The following NSUN6 variants were observed in gnomAD, a reference collection of about 807,000 sequenced individuals.
The protein encoded by NSUN6 is tRNA (cytosine(72)-C(5))-methyltransferase NSUN6.
NSUN6 carries 64 observed loss-of-function variants against 58.0 expected under a neutral mutation model. The ratio of observed to expected loss-of-function variants is 1.10; its 90% CI spans 0.90 to 1.36. The LOEUF (loss-of-function observed/expected upper bound fraction) is 1.36, where lower values mean the gene tolerates loss of function less well. NSUN6 is among the 40% of genes most tolerant of loss of function. NSUN6 has a pLI of 0.00. For missense variants in NSUN6, 701 were observed against 550.1 expected (o/e 1.27, Z -2.74); for synonymous variants, 231 against 193.9 (o/e 1.19, Z -1.59).
chr10:18,644,280 T>C (rs1177352969), intron 2 of NSUN6, among the ~76,000 whole-genome samples: 1 of 152,146 alleles, frequency 6.6e-6, no homozygotes, highest in Admixed American at 6.6e-5. Context: ...ATCTGAAATG[T>C]TACAAATCCA....
At chr10:18,611,962 A>G (rs1225669727) in intron 5 of NSUN6, among the ~76,000 whole-genome samples, 1 of 152,060 alleles carries the variant, frequency 6.6e-6, no homozygotes, top group Non-Finnish European at 1.5e-5. Context: ...TTTGTTTACC[A>G]CTTGAAATCC....
chr10:18,622,512 G>A (rs1280451936), intron 3 of NSUN6, among the ~76,000 whole-genome samples: 6 of 152,158 alleles, frequency 3.9e-5, no homozygotes, highest in Admixed American at 3.3e-4. Flanking sequence ...TCAGGAGTTC[G>A]AGACCAGCCT....
At chr10:18,655,365 G>A (rs1006861873), upstream of NSUN6, among the ~76,000 whole-genome samples, 1 of 152,170 alleles carries the variant, frequency 6.6e-6, no homozygotes, top group Non-Finnish European at 1.5e-5. Context: ...CTTCATCTGT[G>A]AAATACAGAT....
chr10:18,644,796 C>T (rs1291463975), intron 2 of NSUN6, among the ~76,000 whole-genome samples: 2 of 149,866 alleles, frequency 1.3e-5, no homozygotes, highest in Admixed American at 1.3e-4. Context: ...GCCAAGATCA[C>T]GCCACTGCAC....
chr10:18,557,489 C>CATGGA (rs2055125870), intron 8 of NSUN6, among the ~76,000 whole-genome samples: 2 of 121,254 alleles, frequency 1.6e-5, no homozygotes, highest in Non-Finnish European at 3.5e-5. Context: ...TGGAATAGAG[C>CATGGA]ATGGAATGGA....
chr10:18,547,287 G>A (rs1209882968), intron 10 of NSUN6, among the ~76,000 whole-genome samples: 1 of 152,178 alleles, frequency 6.6e-6, no homozygotes, highest in Non-Finnish European at 1.5e-5. Context: ...ATTATCCCAT[G>A]GAGGTCAGGG....
chr10:18,648,419 G>C (rs2059610745), intron 2 of NSUN6, 71 bp downstream of exon 2: 1 of 959,810 alleles, frequency 1.0e-6, no homozygotes, highest in African/African-American at 1.6e-5. Flanking sequence ...ATCATTCATA[G>C]GATTTTAATG....
intron 3 of NSUN6, among the ~76,000 whole-genome samples, chr10:18,640,136 C>T (rs181867374): frequency 3.9e-5 from 6 of 152,306 alleles, no homozygotes; most frequent in East Asian, 3.9e-4. Flanking sequence ...ATCCATTATA[C>T]ATTTTTAAGT....
intron 7 of NSUN6, among the ~76,000 whole-genome samples, chr10:18,594,430 T>TG (rs1342974610): frequency 8.2e-6 from 1 of 121,290 alleles, no homozygotes; most frequent in Non-Finnish European, 1.8e-5. Context: ...AGACACTTTC[T>TG]GTTTTTTTTT....
intron 3 of NSUN6, among the ~76,000 whole-genome samples, chr10:18,630,877 G>A (rs1203235944): frequency 1.3e-5 from 2 of 152,024 alleles, no homozygotes; most frequent in Non-Finnish European, 2.9e-5. Flanking sequence ...AATAGAAAAA[G>A]AGGGAATCCT....
intron 3 of NSUN6, among the ~76,000 whole-genome samples, chr10:18,626,698 T>C (rs538759180): frequency 3.9e-5 from 6 of 151,966 alleles, no homozygotes; most frequent in Admixed American, 3.3e-4. Context: ...AACACGGAGG[T>C]GGAGGTTGCA....
chr10:18,583,148 C>G (rs1345770116), intron 8 of NSUN6, among the ~76,000 whole-genome samples: 2 of 152,186 alleles, frequency 1.3e-5, no homozygotes, highest in African/African-American at 2.4e-5. Context: ...CCTACCTTGG[C>G]TGATCAGTCA....
At chr10:18,572,031 A>C (rs1380204061) in intron 8 of NSUN6, among the ~76,000 whole-genome samples, 1 of 145,390 alleles carries the variant, frequency 6.9e-6, no homozygotes, top group South Asian at 2.2e-4. Context: ...TTCATTCTCC[A>C]CTGCATTCCT....
chr10:18,556,870 G>A (rs1321512627), intron 8 of NSUN6, among the ~76,000 whole-genome samples: 6 of 149,424 alleles, frequency 4.0e-5, no homozygotes, highest in African/African-American at 1.0e-4. Flanking sequence ...GGAAGGGAAT[G>A]GAATGGAGAA....
intron 3 of NSUN6, among the ~76,000 whole-genome samples, chr10:18,631,937 A>G (rs1202505165): frequency 3.3e-5 from 5 of 152,184 alleles, no homozygotes; most frequent in African/African-American, 7.2e-5. Context: ...AAGAGAGCCC[A>G]CATCACCAAG....
At chr10:18,557,650 GAATGGAATGGA>G (rs1258994575) in intron 8 of NSUN6, among the ~76,000 whole-genome samples, 31 of 150,448 alleles carry the variant, frequency 2.1e-4, no homozygotes, top group African/African-American at 6.8e-4. Context: ...GAAAAGAGCA[GAATGGAATGGA>G]GAATGGAATG....
At chr10:18,620,657 C>G (rs886188971) in intron 3 of NSUN6, among the ~76,000 whole-genome samples, 1 of 152,216 alleles carries the variant, frequency 6.6e-6, no homozygotes, top group South Asian at 2.1e-4. Flanking sequence ...CTTCAAGACT[C>G]AAATGAAATA....
rs371271364 is a variant in NSUN6, at chr10:18,557,978, G to A, written c.923-6007C>T. Among the ~76,000 whole-genome samples the A allele has an allele frequency of 1.7e-4, 25 of 151,006 alleles. No individual in the cohort carries two copies. The East Asian group carries it at 2.5e-3, about 15-fold the overall frequency. On this transcript the variant is annotated intron_variant, in intron 8 of 10. Coordinates refer to ENST00000377304, the MANE Select transcript of NSUN6 (RefSeq NM_182543.5). ...CAAGAATTGAATGGAATGGAATGAAGAATAGAATGCAACTGAATGGGATGG... is the reference window on the plus strand; with the variant it reads ...CAAGAATTGAATGGAATGGAATGAAAAATAGAATGCAACTGAATGGGATGG...
In NSUN6 at chr10:18,651,541, T is replaced by C. The variant is rs1200503892; in HGVS notation, c.-338A>G. The C allele has an allele frequency of 2.0e-6, 2 of 1,014,984 alleles. No individual in the cohort carries two copies. Among genetic ancestry groups the C allele is most frequent in the East Asian group, 1.8e-4 (2 of 10,928 alleles). 62.9% of individuals were successfully genotyped at this position (1,014,984 alleles called of 1,614,324 possible). A position where few individuals can be genotyped will look rare whatever the true frequency, so the allele number is the denominator to read the frequency against. ...GAATCCGTGGTGAAACGGACGCAGA[T>C]CAGTAAGCCAGGCTGACAGCAGCTC... On this transcript the variant is annotated 5_prime_UTR_variant, in exon 1 of 11. Transcript: ENST00000377304.
Sources: gnomAD v4.1 joint callset for allele counts (sites outside exome capture counted in the v4.1 genomes callset) on GRCh38, gnomAD v4.1.1 for gene constraint, MANE v1.5 for transcripts, NCBI Gene and HGNC (gene_info 2026-07-23, HGNC 2026-07-21) for gene names.